CHD9: variants seen among roughly 807,000 people sequenced by gnomAD.
The protein encoded by CHD9 is ATP-dependent chromatin remodeler CHD9.
CHD9 carries 77 observed loss-of-function variants against 316.1 expected under a neutral mutation model. That is an observed-to-expected ratio of 0.24 (90% CI 0.20 to 0.29). The LOEUF is 0.29. CHD9 is among the 10% of genes least tolerant of loss of function. CHD9 has a pLI of 1.00. For missense variants in CHD9, 2,763 were observed against 3,438.1 expected, an observed-to-expected ratio of 0.80 and a Z score of 4.91; for synonymous variants, 1,129 against 1,158.3, an observed-to-expected ratio of 0.97 and a Z score of 0.51.
intron 1 of CHD9, among the ~76,000 whole-genome samples, chr16:53,082,584 A>G (rs2035124219): frequency 6.6e-6 from 1 of 152,196 alleles, no homozygotes; most frequent in African/African-American, 2.4e-5. Flanking sequence ...TTGAGAACAA[A>G]GAATTTTAAG....
chr16:53,133,913 G>A (rs1372373043), intron 1 of CHD9, among the ~76,000 whole-genome samples: 2 of 152,088 alleles, frequency 1.3e-5, no homozygotes, highest in Non-Finnish European at 2.9e-5. Flanking sequence ...TAAGAGGCAA[G>A]AACTGAAGTA....
At chr16:53,149,420 T>A (rs1413369335) in intron 1 of CHD9, among the ~76,000 whole-genome samples, 1 of 152,166 alleles carries the variant, frequency 6.6e-6, no homozygotes, top group Non-Finnish European at 1.5e-5. Context: ...TCCCATCAAT[T>A]CTGTGTATTT....
intron 22 of CHD9, among the ~76,000 whole-genome samples, chr16:53,271,374 G>A (rs28420221): frequency 6.6e-6 from 1 of 152,028 alleles, no homozygotes; most frequent in Non-Finnish European, 1.5e-5. Flanking sequence ...TTCAAGACCA[G>A]CCTGGCCAAC....
At position 53,327,323 on chromosome 16, in the gene CHD9, T is replaced by A. The variant is rs1045185400; in HGVS notation, c.*2428T>A. 7.2e-5 allele frequency: 11 copies of A among 152,582 alleles called. No individual in the cohort carries two copies. The highest frequency in any genetic ancestry group is 2.4e-4 in the African/African-American group (10 of 41,454). 9.5% of individuals were successfully genotyped at this position (152,582 alleles called of 1,614,324 possible). A position where few individuals can be genotyped will look rare whatever the true frequency, so the allele number is the denominator to read the frequency against. On this transcript the variant is annotated 3_prime_UTR_variant, in exon 39 of 39. Coordinates refer to ENST00000447540, the MANE Select transcript of CHD9 (RefSeq NM_001308319.2). ...ATGATTCAAGTCTTAGTCCAATCTT[T>A]CTTTTGGACATTTGCAATATTTACC... is the stretch of plus-strand genomic sequence containing the variant.
chr16:53,072,897 G>A (rs1221132170), intron 1 of CHD9, among the ~76,000 whole-genome samples: 1 of 151,896 alleles, frequency 6.6e-6, no homozygotes, highest in Non-Finnish European at 1.5e-5. Context: ...GTTTCACCAT[G>A]TTAGCCAGGC....
In CHD9 at chr16:53,324,071, A is replaced by G; in HGVS notation, c.7870A>G (p.Arg2624Gly). The G allele has an allele frequency of 6.2e-7, 1 of 1,613,834 alleles. No homozygotes were observed. Among genetic ancestry groups the G allele is most frequent in the Non-Finnish European group, 8.5e-7 (1 of 1,179,802 alleles). ...YERILTGPVV[R>G]EEVSRRGRRP... is the part of the protein sequence containing the mutation. ...ACGTATTCTCACTGGTCCCGTTGTG[A>G]GAGAGGAAGTAAGCAGGCGGGGGAG... is the stretch of plus-strand genomic sequence containing the variant. The change falls in exon 39 of 39, where the codon AGA (arginine) becomes GGA (glycine). Residue 2624 changes from arginine (R) to glycine (G), a missense_variant. Physicochemically the swap from Arg to Gly is moderately radical, Grantham distance 125. Coordinates refer to ENST00000447540, the MANE Select transcript of CHD9 (RefSeq NM_001308319.2).
rs139887030 is a variant in CHD9 at position 53,201,130 on chromosome 16, A to C, written c.1453-8352A>C. On this transcript the variant is annotated intron_variant, in intron 2 of 38. Coordinates refer to ENST00000447540, the MANE Select transcript of CHD9 (RefSeq NM_001308319.2). ...TGCCCTTAATCACAATGTTATGCTG[A>C]GAATAGCTTTAAGTATTGGGGATAA... Among the ~76,000 whole-genome samples, 790 of 152,340 alleles carry C rather than the reference A, an allele frequency of 5.2e-3. 4 individuals are homozygous for C. Among genetic ancestry groups the C allele is most frequent in the Non-Finnish European group, 8.4e-3 (573 of 68,034 alleles).
intron 24 of CHD9, among the ~76,000 whole-genome samples, chr16:53,280,494 A>T (rs2053300520): frequency 1.3e-5 from 2 of 151,912 alleles, no homozygotes; most frequent in Admixed American, 1.3e-4. Context: ...GACATAAGAA[A>T]GACAGTACAC....
rs558688909 is a variant in CHD9, at chr16:53,133,049, G to T, written c.-164-22877G>T. On this transcript the variant is annotated intron_variant, in intron 1 of 38. Transcript: ENST00000447540. ...AAAGTATTGGCAGGTCTCTGTCCTT[G>T]GAGAGTTTCCTATAAACTATAGACC... is the stretch of plus-strand genomic sequence containing the variant. Among the ~76,000 whole-genome samples the T allele has an allele frequency of 7.2e-5, 11 of 152,156 alleles. No individual in the cohort carries two copies. In the East Asian group the frequency reaches 2.1e-3, roughly 29 times the overall value.
At chr16:53,252,515 C>G (rs2050209712) in intron 17 of CHD9, among the ~76,000 whole-genome samples, 1 of 151,900 alleles carries the variant, frequency 6.6e-6, no homozygotes, top group Non-Finnish European at 1.5e-5. Flanking sequence ...GACTAAGGAC[C>G]CAAAAGCAAT....
At chr16:53,105,403 T>A (rs1165349451) in intron 1 of CHD9, among the ~76,000 whole-genome samples, 1 of 152,222 alleles carries the variant, frequency 6.6e-6, no homozygotes, top group Non-Finnish European at 1.5e-5. Flanking sequence ...CATACACTTA[T>A]TCTACAACTT....
intron 17 of CHD9, among the ~76,000 whole-genome samples, chr16:53,253,508 G>A (rs1043967537): frequency 7.9e-5 from 12 of 152,202 alleles, no homozygotes; most frequent in Admixed American, 7.9e-4. Flanking sequence ...CTGCTTAGGT[G>A]ATGGTTGCAC....
chr16:53,057,237 G>A (rs1250191704), intron 1 of CHD9, among the ~76,000 whole-genome samples: 2 of 152,062 alleles, frequency 1.3e-5, no homozygotes, highest in Non-Finnish European at 2.9e-5. Context: ...AGCACTTTGG[G>A]AGACTGAGGT....
intron 30 of CHD9, 124 bp downstream of exon 30, chr16:53,297,282 T>C: frequency 1.5e-6 from 1 of 676,456 alleles, no homozygotes; most frequent in South Asian, 1.9e-5. Context: ...TTGTCAGTAA[T>C]TTTTTAGAAT....
chr16:53,202,529 C>A (rs925865380), intron 2 of CHD9, among the ~76,000 whole-genome samples: 1 of 151,966 alleles, frequency 6.6e-6, no homozygotes, highest in African/African-American at 2.4e-5. Flanking sequence ...GAGTTTCCTA[C>A]ACTCTGGATT....
chr16:53,181,596 T>G (rs2152806956), intron 2 of CHD9, among the ~76,000 whole-genome samples: 1 of 152,304 alleles, frequency 6.6e-6, no homozygotes, highest in Non-Finnish European at 1.5e-5. Flanking sequence ...TTGGAGTAGC[T>G]TGGATATACT....
At chr16:53,279,579 A>T (rs1169134198) in intron 24 of CHD9, among the ~76,000 whole-genome samples, 1 of 152,176 alleles carries the variant, frequency 6.6e-6, no homozygotes, top group Non-Finnish European at 1.5e-5. Context: ...ATTCTAGAAG[A>T]TAACATTGGA....
intron 1 of CHD9, among the ~76,000 whole-genome samples, chr16:53,152,100 C>T (rs544616501): frequency 6.6e-6 from 1 of 152,172 alleles, no homozygotes; most frequent in East Asian, 1.9e-4. Context: ...GATTTACCCC[C>T]TCCCTTAGCA....
chr16:53,263,574 G>C (rs1433659728), intron 20 of CHD9, among the ~76,000 whole-genome samples: 1 of 152,002 alleles, frequency 6.6e-6, no homozygotes, highest in East Asian at 1.9e-4. Context: ...GATAATAATA[G>C]CATAACTGCT....
Sources: gnomAD v4.1 joint callset for allele counts (sites outside exome capture counted in the v4.1 genomes callset) on GRCh38, gnomAD v4.1.1 for gene constraint, MANE v1.5 for transcripts, NCBI Gene and HGNC (gene_info 2026-07-23, HGNC 2026-07-21) for gene names.